The following MADD variants were observed in gnomAD, a reference collection of about 807,000 sequenced individuals.
MADD encodes MAP kinase-activating death domain protein.
MADD carries 109 observed loss-of-function variants against 176.7 expected under a neutral mutation model. The observed-to-expected ratio is 0.62, with a 90% CI of 0.53 to 0.72. The LOEUF is 0.72. MADD is among the 30% of genes least tolerant of loss of function. MADD has a pLI of 0.00. For missense variants in MADD, 1,914 were observed against 2,045.5 expected, an observed-to-expected ratio of 0.94 and a Z score of 1.24; for synonymous variants, 771 against 771.3, an observed-to-expected ratio of 1.00 and a Z score of 0.01.
intron 16 of MADD, 29 bp downstream of exon 17, chr11:47,289,522 T>G (rs777886170): frequency 6.3e-7 from 1 of 1,592,346 alleles, no homozygotes; most frequent in Non-Finnish European, 8.6e-7. Flanking sequence ...GTTTTAAAAG[T>G]TCTCAGGCAG....
At chr11:47,305,589 C>G (rs1432192785) in intron 22 of MADD, among the ~76,000 whole-genome samples, 21 of 152,030 alleles carry the variant, frequency 1.4e-4, no homozygotes, top group Non-Finnish European at 2.9e-4. Flanking sequence ...AGTAGTGACT[C>G]TAGACTCCAG....
chr11:47,289,688 C>T (rs2063575234), intron 16 of MADD, among the ~76,000 whole-genome samples, 179 bp from the exon 18 acceptor site: 1 of 152,196 alleles, frequency 6.6e-6, no homozygotes, highest in African/African-American at 2.4e-5. Context: ...GGTTAATCAG[C>T]AGCGGTGGGT....
exon 19 of MADD, chr11:47,290,699 G>T: frequency 3.7e-6 from 6 of 1,614,152 alleles, no homozygotes; most frequent in Non-Finnish European, 5.1e-6. Flanking sequence ...GGACCCAAAG[G>T]CTATGGCACA....
chr11:47,327,063 A>C (rs528851675), intron 31 of MADD: 11 of 1,225,708 alleles, frequency 9.0e-6, no homozygotes, highest in African/African-American at 7.6e-5. Flanking sequence ...GAAGCAGCTC[A>C]GTGAAGTAGC....
chr11:47,309,389 A>G, exon 24 of MADD: 1 of 1,614,212 alleles, frequency 6.2e-7, no homozygotes, highest in Non-Finnish European at 8.5e-7. Context: ...GGTCCCCAGG[A>G]AATGATCGAC....
intron 5 of MADD, among the ~76,000 whole-genome samples, chr11:47,277,592 C>T (rs765379953): frequency 1.3e-5 from 2 of 152,264 alleles, no homozygotes; most frequent in African/African-American, 4.8e-5. Context: ...CCACCGTGCC[C>T]AGCCTCTTTC....
rs1345406378 is a variant in MADD at position 47,284,564 on chromosome 11, CTG to C, written c.2157+1_2157+2del. ...AGCACTGTCATCCACGGAGCCAACT[CTG>C]TAAGTGAGGAGCGGTGGATGAGTGA... On this transcript the variant is annotated splice_donor_variant and coding_sequence_variant, in exon 12 of 33. Transcript: ENST00000402192. LOFTEE classifies it high-confidence loss of function. The C allele has an allele frequency of 2.5e-6, 4 of 1,613,432 alleles. No individual in the cohort carries two copies. Among genetic ancestry groups the C allele is most frequent in the Non-Finnish European group, 1.7e-6 (2 of 1,179,804 alleles).
intron 18 of MADD, 122 bp from the exon 20 acceptor site, chr11:47,290,488 G>C: frequency 7.9e-7 from 1 of 1,257,940 alleles, no homozygotes; most frequent in Admixed American, 2.4e-5. Flanking sequence ...TAAGACATCA[G>C]CTCATCTTTC....
At chr11:47,279,118 T>TG in intron 7 of MADD, 39 bp downstream of exon 7, 1 of 1,577,174 alleles carries the variant, frequency 6.3e-7, no homozygotes, top group Non-Finnish European at 8.7e-7. Flanking sequence ...GAGTATTAGA[T>TG]GCTGTGGGAT....
rs1188892043 is a variant in MADD at position 47,284,117 on chromosome 11, TTGTA to T, written c.1863-60_1863-57del. On this transcript the variant is annotated intron_variant, in intron 10 of 32. Coordinates refer to ENST00000402192, the Ensembl canonical transcript of MADD. ...CCCCTTTTATTTTTCCTGGTGCTGA[TTGTA>T]GGTGTTCTCCCTGCCCCTTTCTGTT... is the stretch of plus-strand genomic sequence containing the variant. 5 of 1,070,678 alleles carry T rather than the reference TTGTA, an allele frequency of 4.7e-6. No homozygotes were observed. In the African/African-American group the frequency reaches 7.7e-5, roughly 17 times the overall value. The allele number at this position is 1,070,678 out of a possible 1,614,324, so 66.3% of individuals were successfully genotyped here.
Position 47,278,917 on chromosome 11 carries a change from G to A in MADD, c.1210-82G>A, listed in dbSNP as rs935203920. 63 of 1,119,526 alleles carry A rather than the reference G, an allele frequency of 5.6e-5. 1 individual carries two copies. The African/African-American group carries it at 5.8e-4, about 10-fold the overall frequency. 69.3% of individuals were successfully genotyped at this position (1,119,526 alleles called of 1,614,324 possible). A position where few individuals can be genotyped will look rare whatever the true frequency, so the allele number is the denominator to read the frequency against. ...GTTTATATAATAATAATGTATATAC[G>A]TCCTCTTATTTTTATTTATGTAAGT... On this transcript the variant is annotated intron_variant, in intron 6 of 32. Transcript: ENST00000402192.
At chr11:47,302,782 T>G (rs1253162941) in intron 22 of MADD, among the ~76,000 whole-genome samples, 2 of 152,216 alleles carry the variant, frequency 1.3e-5, no homozygotes, top group African/African-American at 4.8e-5. Context: ...GTGGACTTAC[T>G]TCTGTTGTTT....
At position 47,324,453 on chromosome 11, in the gene MADD, C is replaced by A; in HGVS notation, c.4436-18C>A. ...CCCCACCTCACCAGTGAGCTGATAG[C>A]CCCCTCCCTCACCACAGGACCTGAA... On this transcript the variant is annotated intron_variant, in intron 29 of 32. Coordinates refer to ENST00000402192, the Ensembl canonical transcript of MADD. 6.2e-7 allele frequency: 1 copy of A among 1,605,144 alleles called. No individual in the cohort carries two copies. Among genetic ancestry groups the A allele is most frequent in the Non-Finnish European group, 8.5e-7 (1 of 1,172,020 alleles).
At chr11:47,295,225 T>C (rs113239035) in intron 20 of MADD, among the ~76,000 whole-genome samples, 7 of 152,100 alleles carry the variant, frequency 4.6e-5, no homozygotes, top group Non-Finnish European at 1.0e-4. Context: ...TTGCCCAGCC[T>C]GGTCTCCAAC....
chr11:47,271,626 A>G (rs1035372974), intron 1 of MADD, among the ~76,000 whole-genome samples: 4 of 152,106 alleles, frequency 2.6e-5, no homozygotes, highest in African/African-American at 4.8e-5. Context: ...CGGGTTTTCA[A>G]TGTAAACATA....
intron 2 of MADD, among the ~76,000 whole-genome samples, 199 bp from the exon 3 acceptor site, chr11:47,274,364 A>G (rs2047874795): frequency 6.6e-6 from 1 of 152,218 alleles, no homozygotes; most frequent in Admixed American, 6.5e-5. Flanking sequence ...TTCGTTTCAG[A>G]ATAGATGCCT....
intron 20 of MADD, among the ~76,000 whole-genome samples, chr11:47,295,096 A>C (rs2069890521): frequency 6.6e-6 from 1 of 151,430 alleles, no homozygotes; most frequent in Non-Finnish European, 1.5e-5. Flanking sequence ...CTGCAGCCTC[A>C]AACTCCTGGG....
chr11:47,293,073 G>T (rs923487178), intron 19 of MADD, among the ~76,000 whole-genome samples: 7 of 152,080 alleles, frequency 4.6e-5, no homozygotes, highest in African/African-American at 1.4e-4. Flanking sequence ...GGGGACAAGG[G>T]GGGTGGTTTT....
At chr11:47,313,414 A>G (rs1292196301) in intron 26 of MADD, among the ~76,000 whole-genome samples, 1 of 150,902 alleles carries the variant, frequency 6.6e-6, no homozygotes, top group Non-Finnish European at 1.5e-5. Flanking sequence ...TCCTGGGTTC[A>G]AGCAATTCTC....
Sources: allele counts gnomAD v4.1 joint callset (sites outside exome capture counted in the v4.1 genomes callset), GRCh38; gene constraint gnomAD v4.1.1; transcripts MANE v1.5; gene names NCBI Gene and HGNC (gene_info 2026-07-23, HGNC 2026-07-21).